The following SHISA9 variants were observed in gnomAD, a reference collection of about 807,000 sequenced individuals.
SHISA9 encodes the protein shisa family member 9, also known as protein shisa-9.
In SHISA9, 13 loss-of-function variants were observed where a neutral mutation model predicts 38.0. That is an observed-to-expected ratio of 0.34 (90% CI 0.22 to 0.54). The LOEUF (loss-of-function observed/expected upper bound fraction) is 0.54. Among genes scored for constraint, SHISA9 ranks in the 20% least tolerant of loss-of-function variants. SHISA9 has a pLI of 0.91. For missense variants in SHISA9, 538 were observed against 575.8 expected (o/e 0.93, Z 0.67); for synonymous variants, 275 against 242.0 (o/e 1.14, Z -1.27).
At chr16:13,151,045 A>G (rs955695155) in intron 2 of SHISA9, among the ~76,000 whole-genome samples, 25 of 152,136 alleles carry the variant, frequency 1.6e-4, no homozygotes, top group African/African-American at 5.8e-4. Flanking sequence ...TTCTTATATT[A>G]TCATTAGCAT....
At chr16:13,081,582 C>T (rs1285562272) in intron 2 of SHISA9, among the ~76,000 whole-genome samples, 1 of 151,752 alleles carries the variant, frequency 6.6e-6, no homozygotes, top group African/African-American at 2.4e-5. Context: ...TGCATTCCCT[C>T]CTCCTCCACC....
intron 2 of SHISA9, among the ~76,000 whole-genome samples, chr16:13,004,255 A>G (rs541649150): frequency 2.6e-5 from 4 of 152,326 alleles, no homozygotes; most frequent in Admixed American, 1.3e-4. Flanking sequence ...TTGGGATCCA[A>G]AAAAAGGGAC....
At chr16:13,373,911 G>A in the SHISA9 span, among the ~76,000 whole-genome samples, 1 of 152,186 alleles carries the variant, frequency 6.6e-6, no homozygotes, top group East Asian at 1.9e-4. Flanking sequence ...CACAGGTTGG[G>A]TTCCCTGGAA....
chr16:13,010,522 T>C (rs548719338), intron 2 of SHISA9, among the ~76,000 whole-genome samples: 65 of 152,326 alleles, frequency 4.3e-4, no homozygotes, highest in African/African-American at 1.5e-3. Context: ...AGATCTCAGG[T>C]ACATAGAATC....
At chr16:13,117,561 C>T (rs1026915046) in intron 2 of SHISA9, among the ~76,000 whole-genome samples, 2 of 152,100 alleles carry the variant, frequency 1.3e-5, no homozygotes, top group Non-Finnish European at 2.9e-5. Context: ...AGCAATTGTT[C>T]TAGAACAGAC....
chr16:12,923,357 T>C (rs984254624), intron 2 of SHISA9, among the ~76,000 whole-genome samples: 1 of 152,090 alleles, frequency 6.6e-6, no homozygotes, highest in Non-Finnish European at 1.5e-5. Context: ...GGCGAAACCG[T>C]GTCCCTACAA....
At chr16:12,949,801 G>A (rs547416107) in intron 2 of SHISA9, among the ~76,000 whole-genome samples, 16 of 152,278 alleles carry the variant, frequency 1.1e-4, no homozygotes, top group African/African-American at 3.1e-4. Context: ...CATACAATGT[G>A]TAATAATCAA....
intron 2 of SHISA9, among the ~76,000 whole-genome samples, chr16:13,023,419 T>C (rs2072882064): frequency 6.6e-6 from 1 of 152,260 alleles, no homozygotes; most frequent in Non-Finnish European, 1.5e-5. Flanking sequence ...CAGTCTATCA[T>C]TGATGGACAT....
intron 2 of SHISA9, among the ~76,000 whole-genome samples, chr16:12,940,542 G>A (rs1376267658): frequency 6.6e-6 from 1 of 152,058 alleles, no homozygotes; most frequent in Non-Finnish European, 1.5e-5. Context: ...CTAGCCAATA[G>A]GGGAAAGACA....
chr16:13,483,532 C>G, the SHISA9 span, among the ~76,000 whole-genome samples: 1 of 152,136 alleles, frequency 6.6e-6, no homozygotes, highest in Non-Finnish European at 1.5e-5. Flanking sequence ...TGGCTCATAG[C>G]TTCCATAGCC....
chr16:12,922,304 A>G (rs1243854753), intron 2 of SHISA9, among the ~76,000 whole-genome samples: 2 of 152,262 alleles, frequency 1.3e-5, no homozygotes, highest in Non-Finnish European at 2.9e-5. Context: ...TGAATATATT[A>G]GCTCATTTAG....
At chr16:13,400,532 C>T in the SHISA9 span, among the ~76,000 whole-genome samples, 3 of 152,176 alleles carry the variant, frequency 2.0e-5, no homozygotes, top group Non-Finnish European at 4.4e-5. Context: ...CTGTAAGCCA[C>T]GTCCAGACAA....
the SHISA9 span, among the ~76,000 whole-genome samples, chr16:13,330,200 C>T: frequency 6.6e-6 from 1 of 152,232 alleles, no homozygotes; most frequent in Non-Finnish European, 1.5e-5. Flanking sequence ...CAGATATCTC[C>T]ATTTCACCCG....
At chr16:13,177,155 T>G (rs997984045) in intron 2 of SHISA9, among the ~76,000 whole-genome samples, 18 of 152,186 alleles carry the variant, frequency 1.2e-4, no homozygotes, top group Non-Finnish European at 1.8e-4. Context: ...ATCTGCACTT[T>G]GTTTGCACCA....
rs1192260686 is a variant in SHISA9 at position 13,236,384 on chromosome 16, A to G, written c.*975A>G. Reference sequence around the variant, plus strand: ...GTTGGAAAAGTCCACAGGAGATCAGATGAGGATCCAGAAGCCTCTGATTTC... The same window carrying G: ...GTTGGAAAAGTCCACAGGAGATCAGGTGAGGATCCAGAAGCCTCTGATTTC... On this transcript the variant is annotated 3_prime_UTR_variant, in exon 5 of 5. Coordinates refer to ENST00000558583, the MANE Select transcript of SHISA9 (RefSeq NM_001145204.3). The G allele has an allele frequency of 6.6e-6, 1 of 151,958 alleles. No individual in the cohort carries two copies. The highest frequency in any genetic ancestry group is 1.5e-5 in the Non-Finnish European group (1 of 67,992). The allele number at this position is 151,958 out of a possible 1,614,324, so 9.4% of individuals were successfully genotyped here.
At chr16:13,243,770 T>A, downstream of SHISA9, among the ~76,000 whole-genome samples, 1 of 72,620 alleles carries the variant, frequency 1.4e-5, no homozygotes, top group African/African-American at 4.0e-5. Context: ...TACAGCAGCG[T>A]TTTTTTTTTT....
the SHISA9 span, among the ~76,000 whole-genome samples, chr16:13,529,972 T>C: frequency 1.3e-5 from 2 of 152,182 alleles, no homozygotes; most frequent in African/African-American, 2.4e-5. Context: ...CTACAGACTT[T>C]TGGGAGTCTA....
Position 12,925,136 on chromosome 16 carries a change from G to A in SHISA9, c.691+8321G>A, listed in dbSNP as rs367723660. The stretch of plus-strand genomic sequence containing the variant: ...CACAGTGAAAATGTTTTCACTCTGC[G>A]TGCCAGTTGATAACACCGTGTGTGT... On this transcript the variant is annotated intron_variant, in intron 2 of 4. Coordinates refer to ENST00000558583, the MANE Select transcript of SHISA9 (RefSeq NM_001145204.3). Among the ~76,000 whole-genome samples the A allele has an allele frequency of 2.8e-4, 43 of 152,300 alleles. No homozygotes were observed. In the South Asian group the frequency reaches 8.9e-3, roughly 32 times the overall value.
rs953883708 is a variant in SHISA9, at chr16:13,165,830, A to G, written c.692-37564A>G. Reference sequence around the variant, plus strand: ...GTTTATCGAGCACTTAAAAATGTTAATGGACACTGTTCCCAATAAATCATG... The same window carrying G: ...GTTTATCGAGCACTTAAAAATGTTAGTGGACACTGTTCCCAATAAATCATG... On this transcript the variant is annotated intron_variant, in intron 2 of 4. Coordinates refer to ENST00000558583, the MANE Select transcript of SHISA9 (RefSeq NM_001145204.3). 1.4e-4 allele frequency among the ~76,000 whole-genome samples: 22 copies of G among 152,196 alleles called. 1 individual carries two copies. Among genetic ancestry groups the G allele is most frequent in the Admixed American group, 2.0e-4 (3 of 15,282 alleles).
Sources: allele counts gnomAD v4.1 joint callset (sites outside exome capture counted in the v4.1 genomes callset), GRCh38; gene constraint gnomAD v4.1.1; transcripts MANE v1.5; gene names NCBI Gene and HGNC (gene_info 2026-07-23, HGNC 2026-07-21).